Variants in KCNB2 observed in about 807,000 individuals in gnomAD.
The protein encoded by KCNB2 is potassium voltage-gated channel subfamily B member 2, also known as delayed rectifier potassium channel protein.
In KCNB2, 15 loss-of-function variants were observed where a neutral mutation model predicts 61.5. The ratio of observed to expected loss-of-function variants is 0.24; its 90% CI spans 0.16 to 0.38. KCNB2 has a LOEUF of 0.38. Ranked by LOEUF, KCNB2 falls within the 10% of genes least tolerant of loss-of-function variation. The pLI is 1.00. For missense variants in KCNB2, 828 were observed against 1,125.2 expected (o/e 0.74, Z 3.78); for synonymous variants, 457 against 446.0 (o/e 1.02, Z -0.31).
intron 2 of KCNB2, among the ~76,000 whole-genome samples, chr8:72,846,864 T>C (rs1810003768): frequency 6.6e-6 from 1 of 152,152 alleles, no homozygotes; most frequent in South Asian, 2.1e-4. Context: ...TCCTCAAGGA[T>C]CTAGAACTAG....
intron 2 of KCNB2, among the ~76,000 whole-genome samples, chr8:72,667,825 T>A (rs1405295906): frequency 1.3e-5 from 2 of 152,138 alleles, no homozygotes; most frequent in Non-Finnish European, 2.9e-5. Context: ...TAAAACCCAT[T>A]TAACGGAGTC....
chr8:72,715,561 A>G (rs1313504340), intron 2 of KCNB2, among the ~76,000 whole-genome samples: 2 of 152,208 alleles, frequency 1.3e-5, no homozygotes, highest in South Asian at 2.1e-4. Flanking sequence ...CTGAATGACT[A>G]CTGGGTACCT....
At chr8:72,808,524 G>A (rs141261840) in intron 2 of KCNB2, among the ~76,000 whole-genome samples, 1,948 of 152,152 alleles carry the variant, frequency 0.013, 16 homozygotes, top group Non-Finnish European at 0.02. Flanking sequence ...ATGTAATCTA[G>A]CCCCCATACA....
chr8:72,864,767 G>A (rs988655467), intron 2 of KCNB2, among the ~76,000 whole-genome samples: 14 of 152,158 alleles, frequency 9.2e-5, no homozygotes, highest in African/African-American at 3.4e-4. Context: ...TTCCTTGCAC[G>A]GCTTGATTAG....
At chr8:72,914,615 T>C (rs1192984746) in intron 2 of KCNB2, among the ~76,000 whole-genome samples, 4 of 152,122 alleles carry the variant, frequency 2.6e-5, no homozygotes, top group Non-Finnish European at 4.4e-5. Flanking sequence ...ACAAAAGTGA[T>C]TACACCTCAG....
At chr8:72,725,255 C>G (rs1807613372) in intron 2 of KCNB2, among the ~76,000 whole-genome samples, 1 of 151,744 alleles carries the variant, frequency 6.6e-6, no homozygotes, top group South Asian at 2.1e-4. Context: ...TATTTTATTT[C>G]CTTTTCTGTC....
chr8:72,663,865 G>A lies in KCNB2; in HGVS notation c.579+95552G>A, dbSNP rs558302850. Among the ~76,000 whole-genome samples, 4 of 152,238 alleles carry A rather than the reference G, an allele frequency of 2.6e-5. No homozygotes were observed. In the East Asian group the frequency reaches 7.7e-4, roughly 29 times the overall value. ...AAACAAAGACCTTAAACATTTTAAA[G>A]TATTACTTCCAAAAACCAACTGCAG... is the stretch of plus-strand genomic sequence containing the variant. On this transcript the variant is annotated intron_variant, in intron 2 of 2. Coordinates refer to ENST00000523207, the MANE Select transcript of KCNB2 (RefSeq NM_004770.3).
At chr8:72,802,279 T>C (rs1308822681) in intron 2 of KCNB2, among the ~76,000 whole-genome samples, 2 of 152,188 alleles carry the variant, frequency 1.3e-5, no homozygotes, top group Non-Finnish European at 2.9e-5. Context: ...CCTAAATGGA[T>C]AGACGTGGCA....
intron 2 of KCNB2, among the ~76,000 whole-genome samples, chr8:72,850,376 T>C (rs146269061): frequency 1.3e-5 from 2 of 152,092 alleles, no homozygotes; most frequent in African/African-American, 4.8e-5. Context: ...CCTGACACAA[T>C]GCCTAGCTAA....
intron 2 of KCNB2, among the ~76,000 whole-genome samples, chr8:72,801,752 C>T (rs1411062587): frequency 6.6e-6 from 1 of 151,418 alleles, no homozygotes; most frequent in Non-Finnish European, 1.5e-5. Context: ...AAGGTGTCTG[C>T]AAAGAGGTGG....
At chr8:72,812,776 G>A (rs1415428226) in intron 2 of KCNB2, among the ~76,000 whole-genome samples, 1 of 152,116 alleles carries the variant, frequency 6.6e-6, no homozygotes, top group Non-Finnish European at 1.5e-5. Context: ...TGTGTTGCTA[G>A]ATCTTGGTAG....
intron 2 of KCNB2, among the ~76,000 whole-genome samples, chr8:72,854,000 A>G (rs915286144): frequency 6.6e-6 from 1 of 152,258 alleles, no homozygotes; most frequent in African/African-American, 2.4e-5. Flanking sequence ...TTAAAAAGTG[A>G]CAGAAACTCA....
chr8:72,761,038 A>C (rs1808370568), intron 2 of KCNB2, among the ~76,000 whole-genome samples: 1 of 152,174 alleles, frequency 6.6e-6, no homozygotes, highest in African/African-American at 2.4e-5. Flanking sequence ...TGACTATTGT[A>C]CAACCTCAGA....
At chr8:72,800,212 G>A (rs893077541) in intron 2 of KCNB2, among the ~76,000 whole-genome samples, 1 of 152,086 alleles carries the variant, frequency 6.6e-6, no homozygotes, top group Non-Finnish European at 1.5e-5. Flanking sequence ...TTCATAGGCT[G>A]GAGAGGATAA....
intron 2 of KCNB2, chr8:72,732,236 T>A (rs1371099603): frequency 6.6e-6 from 1 of 152,254 alleles, no homozygotes; most frequent in Non-Finnish European, 1.5e-5. Flanking sequence ...TTATTATATG[T>A]CTAGCTGCAG....
At chr8:72,629,911 C>T (rs763016961) in intron 2 of KCNB2, among the ~76,000 whole-genome samples, 1 of 152,154 alleles carries the variant, frequency 6.6e-6, no homozygotes, top group African/African-American at 2.4e-5. Flanking sequence ...CAATGTTGCA[C>T]AGCTAGTTAG....
In KCNB2 at chr8:72,664,387, G is replaced by T. The variant is rs146995723; in HGVS notation, c.579+96074G>T. ...GCATTTCTGTGCTTGAGAATAAAGT[G>T]CCATAAACACATCCAGAGATAACAT... On this transcript the variant is annotated intron_variant, in intron 2 of 2. Transcript: ENST00000523207. Among the ~76,000 whole-genome samples the T allele has an allele frequency of 3.5e-3, 534 of 152,284 alleles. 5 individuals carry two copies. Among genetic ancestry groups the T allele is most frequent in the African/African-American group, 0.012 (501 of 41,544 alleles).
chr8:72,621,209 T>C (rs751668935), intron 2 of KCNB2, among the ~76,000 whole-genome samples: 3 of 152,204 alleles, frequency 2.0e-5, no homozygotes, highest in Non-Finnish European at 4.4e-5. Flanking sequence ...ATATTTTTAT[T>C]TGTTCCAAGT....
intron 2 of KCNB2, among the ~76,000 whole-genome samples, chr8:72,687,709 C>T (rs1165869126): frequency 1.3e-5 from 2 of 152,156 alleles, no homozygotes; most frequent in African/African-American, 4.8e-5. Context: ...TGACCTTATG[C>T]AAGTGATGGT....
Sources: allele counts gnomAD v4.1 joint callset (sites outside exome capture counted in the v4.1 genomes callset), GRCh38; gene constraint gnomAD v4.1.1; transcripts MANE v1.5; gene names NCBI Gene and HGNC (gene_info 2026-07-23, HGNC 2026-07-21).